The following KCNK10 variants were observed in gnomAD, a reference collection of about 807,000 sequenced individuals.
KCNK10 encodes potassium two pore domain channel subfamily K member 10.
A neutral mutation model predicts 47.7 loss-of-function variants in KCNK10; 25 were observed. That is an observed-to-expected ratio of 0.52 (90% CI 0.38 to 0.73). The LOEUF (loss-of-function observed/expected upper bound fraction) is 0.73, where lower values mean the gene tolerates loss of function less well. Ranked by LOEUF, KCNK10 falls within the 30% of genes least tolerant of loss-of-function variation. The pLI is 0.00. For missense variants in KCNK10, 563 were observed against 714.5 expected, an observed-to-expected ratio of 0.79 and a Z score of 2.42; for synonymous variants, 303 against 285.6, an observed-to-expected ratio of 1.06 and a Z score of -0.61.
chr14:88,241,051 T>C (rs1004377350), intron 2 of KCNK10, among the ~76,000 whole-genome samples: 5 of 152,126 alleles, frequency 3.3e-5, no homozygotes, highest in African/African-American at 1.2e-4. Context: ...GGGTATAGAA[T>C]ATGGTGACAT....
chr14:88,213,955 T>TTATTATTATTATTATTAC (rs1555360668), intron 4 of KCNK10, among the ~76,000 whole-genome samples: 2,090 of 144,352 alleles, frequency 0.014, 38 homozygotes, highest in Middle Eastern at 0.022. Flanking sequence ...ATTATTATTA[T>TTATTATTATTATTATTAC]TGAGACAGAG....
chr14:88,280,771 C>G (rs1453283922), intron 1 of KCNK10, among the ~76,000 whole-genome samples: 1 of 152,188 alleles, frequency 6.6e-6, no homozygotes. Context: ...CCACTTCCCT[C>G]TGTCCCCCTG....
At chr14:88,310,430 A>C (rs1888304683) in intron 1 of KCNK10, among the ~76,000 whole-genome samples, 1 of 151,974 alleles carries the variant, frequency 6.6e-6, no homozygotes, top group African/African-American at 2.4e-5. Flanking sequence ...GAGTGACAAC[A>C]GCCAATGAAT....
At chr14:88,213,827 T>C (rs1297797619) in intron 4 of KCNK10, among the ~76,000 whole-genome samples, 1 of 151,884 alleles carries the variant, frequency 6.6e-6, no homozygotes, top group Non-Finnish European at 1.5e-5. Flanking sequence ...CTACTTGACA[T>C]AGCAGACCTT....
chr14:88,268,685 G>A (rs547464433), intron 1 of KCNK10, among the ~76,000 whole-genome samples: 1 of 152,314 alleles, frequency 6.6e-6, no homozygotes, highest in African/African-American at 2.4e-5. Context: ...CCAAACAGCA[G>A]TGGAGTTCTT....
In KCNK10 at chr14:88,308,088, C is replaced by T. The variant is rs563855100; in HGVS notation, c.52+14659G>A. On this transcript the variant is annotated intron_variant, in intron 1 of 6. Transcript: ENST00000319231. The stretch of plus-strand genomic sequence containing the variant: ...ACACCTGAGCTCTTGCTCATCTTCT[C>T]ATCAAACACTTCATCTCCACCTGCA... Among the ~76,000 whole-genome samples, 272 of 152,300 alleles carry T rather than the reference C, an allele frequency of 1.8e-3. 2 individuals carry two copies. The highest frequency in any genetic ancestry group is 0.014 in the Middle Eastern group (4 of 294).
At chr14:88,211,232 C>A (rs1049004453) in intron 4 of KCNK10, among the ~76,000 whole-genome samples, 3 of 152,230 alleles carry the variant, frequency 2.0e-5, no homozygotes, top group Non-Finnish European at 4.4e-5. Flanking sequence ...AGACACTGTG[C>A]TAAGTGAAAT....
At position 88,186,564 on chromosome 14, in the gene KCNK10, A is replaced by G. The variant is rs776395515; in HGVS notation, c.1012-409T>C. Among the ~76,000 whole-genome samples, 4 of 152,046 alleles carry G rather than the reference A, an allele frequency of 2.6e-5. No individual in the cohort carries two copies. Among genetic ancestry groups the G allele is most frequent in the South Asian group, 2.1e-4 (1 of 4,822 alleles). ...TATATAGCTCACCTGAGACAAGGAA[A>G]TGCACCTCACTCAGTCCTGGGCACA... is the stretch of plus-strand genomic sequence containing the variant. On this transcript the variant is annotated intron_variant, in intron 6 of 6. Transcript: ENST00000319231. This position sits in a 1 kb window ranked among gnomAD's most constrained non-coding sequence, Gnocchi z 5.5.
At chr14:88,197,336 T>G (rs1234332240) in intron 4 of KCNK10, among the ~76,000 whole-genome samples, 1 of 151,960 alleles carries the variant, frequency 6.6e-6, no homozygotes, top group African/African-American at 2.4e-5. Context: ...ACACCTGTAA[T>G]CCCAGCTCTT....
At chr14:88,324,034 C>G (rs1057258479), upstream of KCNK10, among the ~76,000 whole-genome samples, 7 of 152,332 alleles carry the variant, frequency 4.6e-5, no homozygotes, top group Non-Finnish European at 1.0e-4. Flanking sequence ...CAGCTACCTG[C>G]AGCCGGACTG....
intron 2 of KCNK10, among the ~76,000 whole-genome samples, chr14:88,258,673 G>A (rs987122519): frequency 6.6e-6 from 1 of 152,156 alleles, no homozygotes. Context: ...ACAAGTGGAT[G>A]GATGGATAGA....
intron 1 of KCNK10, among the ~76,000 whole-genome samples, chr14:88,281,460 C>T (rs756594688): frequency 6.6e-6 from 1 of 152,158 alleles, no homozygotes; most frequent in Non-Finnish European, 1.5e-5. Context: ...CACATCCTAT[C>T]GGTTGGAGGC....
intron 4 of KCNK10, 36 bp downstream of exon 4, chr14:88,227,339 A>G (rs3825677): frequency 0.27 from 415,371 of 1,537,658 alleles, 59,635 homozygotes; most frequent in East Asian, 0.5. Flanking sequence ...CAACTGGATC[A>G]CAGTGGTTAG....
Position 88,197,016 on chromosome 14 carries a change from T to A in KCNK10, c.682-4606A>T, listed in dbSNP as rs113645278. Among the ~76,000 whole-genome samples, 1,041 of 152,244 alleles carry A rather than the reference T, an allele frequency of 6.8e-3. 20 individuals are homozygous for A. Among genetic ancestry groups the A allele is most frequent in the African/African-American group, 0.023 (956 of 41,530 alleles). ...TGCTGTAAGCACACATCAGTGAGAA[T>A]AGTGAAGTGGAACCTTCAAGAAGCC... On this transcript the variant is annotated intron_variant, in intron 4 of 6. Transcript: ENST00000319231.
rs183248218 is a variant in KCNK10, at chr14:88,299,774, A to C, written c.52+22973T>G. ...TTTAAAGAAAAGCATTCAGTAAACA[A>C]TGATAAGTTTATTGCATAGGGCAAA... On this transcript the variant is annotated intron_variant, in intron 1 of 6. Transcript: ENST00000319231. Among the ~76,000 whole-genome samples, 299 of 152,358 alleles carry C rather than the reference A, an allele frequency of 2.0e-3. 1 individual carries two copies. Among genetic ancestry groups the C allele is most frequent in the African/African-American group, 6.6e-3 (275 of 41,588 alleles).
chr14:88,242,455 A>C (rs1483628073), intron 2 of KCNK10, among the ~76,000 whole-genome samples: 2 of 152,118 alleles, frequency 1.3e-5, no homozygotes, highest in East Asian at 3.9e-4. Flanking sequence ...GATTTGGCAG[A>C]CTCATAGACA....
intron 2 of KCNK10, among the ~76,000 whole-genome samples, chr14:88,262,267 T>A (rs1035889048): frequency 1.3e-5 from 2 of 152,198 alleles, no homozygotes; most frequent in Non-Finnish European, 2.9e-5. Flanking sequence ...TCTTTGTAGT[T>A]CAGGAGGGTG....
chr14:88,309,963 C>G lies in KCNK10; in HGVS notation c.52+12784G>C, dbSNP rs72694046. ...TCCCTACACAGCACCTGACTTCCCC[C>G]CTTCCCACTTGACACCAGCCTATCA... is the stretch of plus-strand genomic sequence containing the variant. On this transcript the variant is annotated intron_variant, in intron 1 of 6. Coordinates refer to ENST00000319231, the MANE Select transcript of KCNK10 (RefSeq NM_138317.3). 9.7e-3 allele frequency among the ~76,000 whole-genome samples: 1,476 copies of G among 152,114 alleles called. 10 individuals are homozygous for G. Among genetic ancestry groups the G allele is most frequent in the Non-Finnish European group, 0.015 (1,053 of 67,972 alleles).
chr14:88,198,925 A>ATTTTATTTTATTTATTTTATTTTT (rs1885011436), intron 4 of KCNK10, among the ~76,000 whole-genome samples: 1 of 149,862 alleles, frequency 6.7e-6, no homozygotes, highest in African/African-American at 2.5e-5. Flanking sequence ...ATTTTATTTT[A>ATTTTATTTTATTTATTTTATTTTT]TTTTATTTTT....
Sources: gnomAD v4.1 joint callset for allele counts (sites outside exome capture counted in the v4.1 genomes callset) on GRCh38, gnomAD v4.1.1 for gene constraint, Gnocchi (gnomAD v3.1) non-coding constraint, MANE v1.5 for transcripts, NCBI Gene and HGNC (gene_info 2026-07-23, HGNC 2026-07-21) for gene names.